Variants in NUP50 observed in about 807,000 individuals in gnomAD.
The protein encoded by NUP50 is nucleoporin 50, also known as nuclear pore complex protein Nup50.
NUP50 carries 14 observed loss-of-function variants against 36.8 expected under a neutral mutation model. The ratio of observed to expected loss-of-function variants is 0.38; its 90% CI spans 0.25 to 0.59. The LOEUF is 0.59. Among genes scored for constraint, NUP50 ranks in the 20% least tolerant of loss-of-function variants. The pLI, the probability that NUP50 is intolerant of heterozygous loss-of-function variation, is 0.63. For synonymous variants in NUP50, 195 were observed against 210.8 expected (o/e 0.93, Z 0.65); for missense variants, 455 against 564.6 (o/e 0.81, Z 1.97).
At chr22:45,173,727 G>T (rs2074233648) in intron 3 of NUP50, among the ~76,000 whole-genome samples, 1 of 152,086 alleles carries the variant, frequency 6.6e-6, no homozygotes, top group South Asian at 2.1e-4. Context: ...CTGAAGGAGG[G>T]GCAGTCACCT....
intron 3 of NUP50, among the ~76,000 whole-genome samples, chr22:45,173,670 C>T (rs536889417): frequency 6.6e-6 from 1 of 152,146 alleles, no homozygotes; most frequent in East Asian, 1.9e-4. Context: ...GAGGGTCCTA[C>T]GAGGAGTGAG....
chr22:45,171,035 C>G (rs1266402233), intron 2 of NUP50: 1 of 1,304,048 alleles, frequency 7.7e-7, no homozygotes, highest in Non-Finnish European at 1.0e-6. Flanking sequence ...CAGCAGCTTT[C>G]TGACGTGGAC....
intron 3 of NUP50, among the ~76,000 whole-genome samples, chr22:45,172,832 G>A (rs1306374995): frequency 6.6e-6 from 1 of 152,192 alleles, no homozygotes. Context: ...GGTGGTATGT[G>A]TTAATGGGAA....
rs753007777 is a variant in NUP50 at position 45,187,340 on chromosome 22, C to T, written c.*2685C>T. On this transcript the variant is annotated 3_prime_UTR_variant, in exon 8 of 8. Transcript: ENST00000347635. ...CCATGGAAGGACAAGTCTGACTGTT[C>T]ATAGGCTGATTTTCTTTAAGAGGAT... 29 of 149,832 alleles carry T rather than the reference C, an allele frequency of 1.9e-4. No homozygotes were observed. Among genetic ancestry groups the T allele is most frequent in the African/African-American group, 6.9e-4 (28 of 40,542 alleles). 9.3% of individuals were successfully genotyped at this position (149,832 alleles called of 1,614,324 possible).
chr22:45,175,908 A>G lies in NUP50; in HGVS notation c.168A>G (p.Gly56=), dbSNP rs750873097. The G allele has an allele frequency of 2.5e-6, 4 of 1,614,046 alleles. No individual in the cohort carries two copies. The highest frequency in any genetic ancestry group is 3.4e-6 in the Non-Finnish European group (4 of 1,180,008). Residue 56 remains glycine, a synonymous_variant, in exon 4 of 8, where the codon GGA becomes GGG. Coordinates refer to ENST00000347635, the MANE Select transcript of NUP50 (RefSeq NM_007172.4). ...TCATACTTCAGTCTGACACTGGAGG[A>G]GCCTTTAAAGGTTTTAAAGGTTTGG... ...RNVGFESDTG[G]AFKGFKGLVV...
intron 2 of NUP50, among the ~76,000 whole-genome samples, chr22:45,170,206 C>T (rs9626290): frequency 0.05 from 7,590 of 151,950 alleles, 510 homozygotes; most frequent in African/African-American, 0.14. Flanking sequence ...AATATCAGCA[C>T]GCCCAGCCAT....
chr22:45,179,058 T>C (rs1488988872), intron 5 of NUP50, 158 bp downstream of exon 5: 2 of 628,212 alleles, frequency 3.2e-6, no homozygotes, highest in Admixed American at 3.5e-5. Context: ...TCTCTGAGTT[T>C]CAGATTCCTG....
At chr22:45,179,832 C>T (rs1569054492) in intron 5 of NUP50, among the ~76,000 whole-genome samples, 2 of 152,168 alleles carry the variant, frequency 1.3e-5, no homozygotes, top group Non-Finnish European at 2.9e-5. Flanking sequence ...TGCCATGAGC[C>T]GTGGTTGCAT....
intron 2 of NUP50, among the ~76,000 whole-genome samples, chr22:45,168,741 G>A (rs947300824): frequency 6.6e-6 from 1 of 151,970 alleles, no homozygotes; most frequent in Non-Finnish European, 1.5e-5. Flanking sequence ...GTAGACCTGA[G>A]ACCCCTAACA....
At chr22:45,170,673 A>T (rs1383433307) in intron 2 of NUP50, among the ~76,000 whole-genome samples, 1 of 152,084 alleles carries the variant, frequency 6.6e-6, no homozygotes, top group Non-Finnish European at 1.5e-5. Flanking sequence ...ATCTTTGGTT[A>T]TGGGGGTTTT....
chr22:45,185,664 GTATAT>G lies in NUP50; in HGVS notation c.*1014_*1018del, dbSNP rs1485355990. The G allele has an allele frequency of 6.6e-5, 10 of 152,318 alleles. No individual in the cohort carries two copies. The highest frequency in any genetic ancestry group is 5.8e-4 in the East Asian group (3 of 5,194). 9.4% of individuals were successfully genotyped at this position (152,318 alleles called of 1,614,324 possible). ...ACTTTGCCTTTAACTTTAGACCGCA[GTATAT>G]TATAATACATTTGATATCTGAAATA... On this transcript the variant is annotated 3_prime_UTR_variant, in exon 8 of 8. Coordinates refer to ENST00000347635, the MANE Select transcript of NUP50 (RefSeq NM_007172.4).
intron 1 of NUP50, among the ~76,000 whole-genome samples, chr22:45,165,153 C>CT (rs1421743046): frequency 6.6e-6 from 1 of 152,220 alleles, no homozygotes; most frequent in African/African-American, 2.4e-5. Context: ...TTTACCTAGA[C>CT]TTTCAGTCTC....
chr22:45,176,514 G>T (rs1230173779), intron 4 of NUP50, among the ~76,000 whole-genome samples: 2 of 152,158 alleles, frequency 1.3e-5, no homozygotes, highest in Non-Finnish European at 2.9e-5. Flanking sequence ...TCCCACGCTA[G>T]GTTTGTTTGG....
At chr22:45,179,040 A>G (rs2074324741) in intron 5 of NUP50, 140 bp downstream of exon 5, 2 of 743,080 alleles carry the variant, frequency 2.7e-6, no homozygotes, top group Non-Finnish European at 4.2e-6. Context: ...AGACAGAGCT[A>G]ATCAGCTTCT....
Position 45,178,380 on chromosome 22 carries a change from C to G in NUP50, c.483C>G (p.Ala161=), listed in dbSNP as rs140744086. The G allele has an allele frequency of 6.2e-7, 1 of 1,613,868 alleles. No individual in the cohort carries two copies. The highest frequency in any genetic ancestry group is 1.7e-4 in the Middle Eastern group (1 of 6,056). ...CVGNAYHKQL[A]ALNCSVRDWI... is the part of the protein sequence containing the mutation. The stretch of plus-strand genomic sequence containing the variant: ...GAAATGCCTATCACAAGCAGTTGGC[C>G]GCCTTGAACTGCTCCGTGCGGGATT... Residue 161 remains alanine (A), a synonymous_variant, in exon 5 of 8, where the codon GCC becomes GCG. Coordinates refer to ENST00000347635, the MANE Select transcript of NUP50 (RefSeq NM_007172.4).
rs1476297471 is a variant in NUP50, at chr22:45,186,286, C to T, written c.*1631C>T. The T allele has an allele frequency of 1.3e-5, 2 of 152,096 alleles. No homozygotes were observed. Among genetic ancestry groups the T allele is most frequent in the African/African-American group, 4.8e-5 (2 of 41,420 alleles). The allele number at this position is 152,096 out of a possible 1,614,324, so 9.4% of individuals were successfully genotyped here. On this transcript the variant is annotated 3_prime_UTR_variant, in exon 8 of 8. Coordinates refer to ENST00000347635, the MANE Select transcript of NUP50 (RefSeq NM_007172.4). ...AGTAGGCACCTAGGGAGGAAGTGGC[C>T]GTTAGTTTTACACTGACTTTTTAAG...
At chr22:45,179,142 C>T (rs2074326465) in intron 5 of NUP50, 1 of 408,540 alleles carries the variant, frequency 2.4e-6, no homozygotes, top group Admixed American at 4.0e-5. Flanking sequence ...AAACACCTGA[C>T]TTTGAAAAGT....
At position 45,184,762 on chromosome 22, in the gene NUP50, A is replaced by G. The variant is rs1259098397; in HGVS notation, c.*107A>G. 1.2e-5 allele frequency: 10 copies of G among 803,336 alleles called. No homozygotes were observed. Among genetic ancestry groups the G allele is most frequent in the South Asian group, 1.2e-4 (7 of 57,692 alleles). 49.8% of individuals were successfully genotyped at this position (803,336 alleles called of 1,614,324 possible). A position where few individuals can be genotyped will look rare whatever the true frequency, so the allele number is the denominator to read the frequency against. Reference sequence around the variant, plus strand: ...TCTTTGACATTCTAAGAACTTATAGATAACTTAAAACTTTTGTGAGGAAGA... The same window carrying G: ...TCTTTGACATTCTAAGAACTTATAGGTAACTTAAAACTTTTGTGAGGAAGA... On this transcript the variant is annotated 3_prime_UTR_variant, in exon 8 of 8. Transcript: ENST00000347635.
At chr22:45,174,366 G>A (rs571985344) in intron 3 of NUP50, among the ~76,000 whole-genome samples, 1 of 151,984 alleles carries the variant, frequency 6.6e-6, no homozygotes, top group East Asian at 1.9e-4. Context: ...TTGTAGACAG[G>A]GGGTCTCACT....
Sources: allele counts gnomAD v4.1 joint callset (sites outside exome capture counted in the v4.1 genomes callset), GRCh38; gene constraint gnomAD v4.1.1; transcripts MANE v1.5; gene names NCBI Gene and HGNC (gene_info 2026-07-23, HGNC 2026-07-21).